The following PTPN3 variants were observed in gnomAD, a reference collection of about 807,000 sequenced individuals.
The protein encoded by PTPN3 is protein tyrosine phosphatase non-receptor type 3.
Under a neutral mutation model 132.7 loss-of-function variants are expected in PTPN3, and 96 were observed. The observed-to-expected ratio is 0.72, with a 90% confidence interval of 0.61 to 0.86. The LOEUF (loss-of-function observed/expected upper bound fraction) is 0.86. Among genes scored for constraint, PTPN3 ranks in the 40% least tolerant of loss-of-function variants. PTPN3 has a pLI of 0.00. For synonymous variants in PTPN3, 398 were observed against 429.0 expected (o/e 0.93, Z 0.89); for missense variants, 1,125 against 1,159.6 (o/e 0.97, Z 0.43).
intron 12 of PTPN3, among the ~76,000 whole-genome samples, chr9:109,425,886 C>T (rs972273693): frequency 5.3e-5 from 8 of 151,602 alleles, no homozygotes; most frequent in African/African-American, 1.9e-4. Context: ...TGGTGGTGTG[C>T]TCCTGTAATC....
At chr9:109,408,785 A>T (rs1035016849) in intron 16 of PTPN3, among the ~76,000 whole-genome samples, 3 of 34,896 alleles carry the variant, frequency 8.6e-5, no homozygotes, top group African/African-American at 3.7e-4. Flanking sequence ...AATAATTAAA[A>T]AAAAAAAAAA....
chr9:109,410,551 A>T, intron 14 of PTPN3, 136 bp from the exon 15 acceptor site: 1 of 961,270 alleles, frequency 1.0e-6, no homozygotes, highest in Non-Finnish European at 1.5e-6. Context: ...TGTCAGCGGG[A>T]TTTGAGTACA....
At position 109,406,592 on chromosome 9, in the gene PTPN3, G is replaced by A. The variant is rs919588386; in HGVS notation, c.1662C>T (p.Asn554=). The change falls in exon 18 of 26, where the codon AAC becomes AAT. Residue 554 remains asparagine, a synonymous_variant. Transcript: ENST00000374541. ...SPADTCIPKL[N]EGDQIVLING... is the part of the protein sequence containing the mutation. ...TGATTAACACGATTTGATCCCCTTC[G>A]TTCAGCTTAGGAATGCAGGTGTCCG... 2.5e-6 allele frequency: 4 copies of A among 1,614,128 alleles called. No individual in the cohort carries two copies. The highest frequency in any genetic ancestry group is 1.6e-4 in the Middle Eastern group (1 of 6,062).
the PTPN3 span, among the ~76,000 whole-genome samples, chr9:109,510,332 G>A: frequency 2.6e-5 from 4 of 151,928 alleles, no homozygotes; most frequent in Admixed American, 6.6e-5. Context: ...GCCAAGGCGG[G>A]CAGATCACCT....
intron 19 of PTPN3, among the ~76,000 whole-genome samples, chr9:109,391,981 C>T (rs1462058555): frequency 2.6e-5 from 4 of 151,152 alleles, no homozygotes; most frequent in East Asian, 1.9e-4. Context: ...CCTTTAAGAA[C>T]GAGAGCATTT....
intron 25 of PTPN3, 66 bp downstream of exon 25, chr9:109,381,586 C>T: frequency 6.3e-7 from 1 of 1,583,706 alleles, no homozygotes; most frequent in South Asian, 1.1e-5. Flanking sequence ...AAGCCCTTCT[C>T]TCAGGCCTGC....
chr9:109,459,738 T>C (rs761764960), intron 2 of PTPN3, among the ~76,000 whole-genome samples: 2 of 152,090 alleles, frequency 1.3e-5, no homozygotes, highest in Non-Finnish European at 2.9e-5. Flanking sequence ...GATATGATGC[T>C]CACTCGGGGT....
chr9:109,486,575 G>A (rs1847221568), intron 1 of PTPN3, among the ~76,000 whole-genome samples: 1 of 152,152 alleles, frequency 6.6e-6, no homozygotes. Context: ...GAGAGGACTA[G>A]TGGAGAGGGC....
At chr9:109,504,983 G>C in the PTPN3 span, among the ~76,000 whole-genome samples, 15 of 150,310 alleles carry the variant, frequency 1.0e-4, no homozygotes, top group Non-Finnish European at 4.4e-5. Flanking sequence ...AAAACAAAGA[G>C]AGAGGAAAAC....
At chr9:109,436,846 C>A in intron 9 of PTPN3, 37 bp downstream of exon 9, 1 of 1,578,026 alleles carries the variant, frequency 6.3e-7, no homozygotes, top group Non-Finnish European at 8.6e-7. Context: ...AAAATAAAAA[C>A]ATAATGTTTG....
At chr9:109,436,654 CT>C (rs1844073977) in intron 9 of PTPN3, among the ~76,000 whole-genome samples, 1 of 151,960 alleles carries the variant, frequency 6.6e-6, no homozygotes, top group Admixed American at 6.6e-5. Flanking sequence ...TTCTAGTCCC[CT>C]AACCCTTCAA....
intron 14 of PTPN3, among the ~76,000 whole-genome samples, chr9:109,418,385 A>G (rs1341480165): frequency 6.6e-6 from 1 of 152,204 alleles, no homozygotes; most frequent in Admixed American, 6.5e-5. Context: ...TGATTGCATA[A>G]AGAGACAGAG....
intron 1 of PTPN3, among the ~76,000 whole-genome samples, chr9:109,482,004 T>A (rs1036969367): frequency 1.3e-5 from 2 of 152,244 alleles, no homozygotes; most frequent in African/African-American, 4.8e-5. Flanking sequence ...GCTCCCCTGC[T>A]GATCAGGCCA....
chr9:109,504,594 A>G, the PTPN3 span, among the ~76,000 whole-genome samples: 1 of 152,186 alleles, frequency 6.6e-6, no homozygotes, highest in Non-Finnish European at 1.5e-5. Flanking sequence ...TGATTCCCAG[A>G]CCTTCAAGGA....
chr9:109,434,616 A>G (rs2131915770), intron 9 of PTPN3, among the ~76,000 whole-genome samples: 1 of 152,338 alleles, frequency 6.6e-6, no homozygotes, highest in Non-Finnish European at 1.5e-5. Context: ...CCCAGATACT[A>G]GTAATTATAA....
chr9:109,475,238 C>T (rs1469134314), intron 1 of PTPN3, among the ~76,000 whole-genome samples: 2 of 152,186 alleles, frequency 1.3e-5, no homozygotes, highest in Non-Finnish European at 2.9e-5. Flanking sequence ...TCTGGGCTTT[C>T]AGGACTTCTG....
intron 14 of PTPN3, among the ~76,000 whole-genome samples, chr9:109,413,146 G>C (rs1388921858): frequency 6.6e-6 from 1 of 151,352 alleles, no homozygotes; most frequent in Non-Finnish European, 1.5e-5. Flanking sequence ...AGTAGAGATG[G>C]GGTTTCACCA....
the PTPN3 span, among the ~76,000 whole-genome samples, chr9:109,506,046 C>T: frequency 3.3e-5 from 5 of 152,178 alleles, no homozygotes; most frequent in South Asian, 2.1e-4. Flanking sequence ...CCACTGCGCC[C>T]GGCCCAGAAC....
chr9:109,448,835 AGTT>A lies in PTPN3; in HGVS notation c.386_388del (p.Gln129del). 6.3e-7 allele frequency: 1 copy of A among 1,599,662 alleles called. No individual in the cohort carries two copies. The highest frequency in any genetic ancestry group is 8.5e-7 in the Non-Finnish European group (1 of 1,175,698). ...CCTTCCTTCGCAAATATCCATCTTC[AGTT>A]GTAAGAAATACAAGTGCCTATGAAA... On this transcript the variant is annotated inframe_deletion, in exon 6 of 26. Transcript: ENST00000374541.
Sources: gnomAD v4.1 joint callset for allele counts (sites outside exome capture counted in the v4.1 genomes callset) on GRCh38, gnomAD v4.1.1 for gene constraint, MANE v1.5 for transcripts, NCBI Gene and HGNC (gene_info 2026-07-23, HGNC 2026-07-21) for gene names.